The following TEK variants were observed in gnomAD, a reference collection of about 807,000 sequenced individuals.
The protein encoded by TEK is TEK receptor tyrosine kinase, also known as angiopoietin-1 receptor.
Under a neutral mutation model 131.8 loss-of-function variants are expected in TEK, and 43 were observed. That is an observed-to-expected ratio of 0.33 (90% CI 0.26 to 0.42). The LOEUF (loss-of-function observed/expected upper bound fraction) is 0.42, where lower values mean the gene tolerates loss of function less well. TEK is among the 10% of genes least tolerant of loss of function. The probability of loss-of-function intolerance (pLI) is 1.00; values close to 1 mark genes in which losing one functional copy is unlikely to be tolerated. For missense variants in TEK, 1,162 were observed against 1,384.4 expected (o/e 0.84, Z 2.55); for synonymous variants, 580 against 491.6 (o/e 1.18, Z -2.38).
In TEK at chr9:27,172,853, CT is replaced by C. The variant is rs1325052186; in HGVS notation, c.760+107del. On this transcript the variant is annotated intron_variant, in intron 5 of 22. Coordinates refer to ENST00000380036, the MANE Select transcript of TEK (RefSeq NM_000459.5). Reference sequence around the variant, plus strand: ...GATGGGAATGGACGCTAAATGGCCTCTGTTAGGTCAGATGGTACCTGTGTGT... The same window carrying C: ...GATGGGAATGGACGCTAAATGGCCTCGTTAGGTCAGATGGTACCTGTGTGT... 1.9e-5 allele frequency: 28 copies of C among 1,470,616 alleles called. 1 individual carries two copies. In the Admixed American group the frequency reaches 5.3e-4, roughly 28 times the overall value. 91.1% of individuals were successfully genotyped at this position (1,470,616 alleles called of 1,614,324 possible).
At chr9:27,136,088 T>TA (rs1564050950) in intron 1 of TEK, among the ~76,000 whole-genome samples, 10 of 145,974 alleles carry the variant, frequency 6.9e-5, no homozygotes, top group African/African-American at 2.4e-4. Flanking sequence ...GGCAGTTATT[T>TA]TTTTTTTTTT....
intron 1 of TEK, among the ~76,000 whole-genome samples, chr9:27,140,396 G>GAA (rs59569720): frequency 8.8e-6 from 1 of 113,406 alleles, no homozygotes; most frequent in East Asian, 3.5e-4. Flanking sequence ...TAGCAAAAAA[G>GAA]AAAAAAAAAA....
chr9:27,229,522 G>A lies in TEK; in HGVS notation c.*290G>A, dbSNP rs976863571. ...AAATGTGGACTTCATAGGAAGGCGT[G>A]AGTACAATTAGTATAATGCATAACT... On this transcript the variant is annotated 3_prime_UTR_variant, in exon 23 of 23. Coordinates refer to ENST00000380036, the MANE Select transcript of TEK (RefSeq NM_000459.5). 3 of 443,872 alleles carry A rather than the reference G, an allele frequency of 6.8e-6. No individual in the cohort carries two copies. Among genetic ancestry groups the A allele is most frequent in the East Asian group, 4.4e-5 (1 of 22,980 alleles). 27.5% of individuals were successfully genotyped at this position (443,872 alleles called of 1,614,324 possible).
At chr9:27,115,373 C>T (rs1274293431) in intron 1 of TEK, among the ~76,000 whole-genome samples, 2 of 152,024 alleles carry the variant, frequency 1.3e-5, no homozygotes, top group African/African-American at 4.8e-5. Flanking sequence ...GTGGCACGTG[C>T]ATGTAGTCCC....
At chr9:27,137,747 C>G (rs1284307365) in intron 1 of TEK, among the ~76,000 whole-genome samples, 1 of 152,180 alleles carries the variant, frequency 6.6e-6, no homozygotes, top group Non-Finnish European at 1.5e-5. Flanking sequence ...ATTGTGAATT[C>G]TACCCACACC....
chr9:27,172,570 A>G lies in TEK; in HGVS notation c.629-46A>G, dbSNP rs1823997322. On this transcript the variant is annotated intron_variant, in intron 4 of 22. Transcript: ENST00000380036. ...GTAGGTGCTCAATAAAGATGTGTTGAGCGAATGCGCTCTACTCACCACAGC... is the reference window on the plus strand; with the variant it reads ...GTAGGTGCTCAATAAAGATGTGTTGGGCGAATGCGCTCTACTCACCACAGC... 5 of 1,610,424 alleles carry G rather than the reference A, an allele frequency of 3.1e-6. No homozygotes were observed. The African/African-American group carries it at 4.0e-5, about 13-fold the overall frequency.
At chr9:27,167,354 A>G (rs1203032934) in intron 2 of TEK, among the ~76,000 whole-genome samples, 1 of 151,928 alleles carries the variant, frequency 6.6e-6, no homozygotes, top group Non-Finnish European at 1.5e-5. Context: ...CAGCCTCCCG[A>G]GTAGCTGGAA....
chr9:27,221,956 A>T (rs889621839), intron 21 of TEK, among the ~76,000 whole-genome samples: 1 of 152,242 alleles, frequency 6.6e-6, no homozygotes, highest in African/African-American at 2.4e-5. Flanking sequence ...CTAAACGAGC[A>T]TGTTCTAACC....
chr9:27,212,039 A>G (rs1825653915), intron 16 of TEK, among the ~76,000 whole-genome samples: 1 of 151,994 alleles, frequency 6.6e-6, no homozygotes, highest in South Asian at 2.1e-4. Flanking sequence ...AAAAAGTGAC[A>G]ATGAACCATA....
rs370492416 is a variant in TEK at position 27,205,005 on chromosome 9, C to G, written c.2304C>G (p.Ile768Met). ...TCLTVLLAFL[I>M]ILQLKRANVQ... ...TGACTGTGCTGTTGGCCTTTCTGATCATATTGCAATTGAAGAGGGCAAATG... is the reference window on the plus strand; with the variant it reads ...TGACTGTGCTGTTGGCCTTTCTGATGATATTGCAATTGAAGAGGGCAAATG... The change falls in exon 14 of 23, where the codon ATC becomes ATG. Residue 768 changes from isoleucine to methionine, a missense_variant. This residue lies in a region of TEK where 477 missense variants were observed against 471.0 expected (regional missense o/e 1.01). Transcript: ENST00000380036. 8.7e-6 allele frequency: 14 copies of G among 1,614,054 alleles called. No individual in the cohort carries two copies. The East Asian group carries it at 2.2e-4, about 26-fold the overall frequency.
intron 7 of TEK, 68 bp downstream of exon 7, chr9:27,180,436 T>C: frequency 6.4e-7 from 1 of 1,569,208 alleles, no homozygotes; most frequent in Non-Finnish European, 8.7e-7. Flanking sequence ...GGTAGTGTAA[T>C]TCTTGTGCCG....
chr9:27,194,338 T>C (rs1824930093), intron 11 of TEK, among the ~76,000 whole-genome samples: 1 of 152,208 alleles, frequency 6.6e-6, no homozygotes, highest in Non-Finnish European at 1.5e-5. Flanking sequence ...CTAGTTTTTA[T>C]GTTACTAGCA....
chr9:27,164,724 G>A (rs377349499), intron 2 of TEK, among the ~76,000 whole-genome samples: 163 of 152,122 alleles, frequency 1.1e-3, no homozygotes, highest in African/African-American at 2.8e-3. Flanking sequence ...TGTATGGAGC[G>A]GGGGTCTCAC....
intron 1 of TEK, among the ~76,000 whole-genome samples, chr9:27,119,616 AGAGTCGGGTGGG>A (rs1554686343): frequency 2.4e-5 from 2 of 82,730 alleles, no homozygotes; most frequent in African/African-American, 9.1e-5. Context: ...AGTCGGGTGG[AGAGTCGGGTGGG>A]GAGATTCCTC....
chr9:27,124,407 C>G (rs189354190), intron 1 of TEK, among the ~76,000 whole-genome samples: 141 of 152,264 alleles, frequency 9.3e-4, no homozygotes, highest in African/African-American at 3.2e-3. Flanking sequence ...CTTGGATCAG[C>G]GGATCACTCA....
At chr9:27,228,943 A>C (rs543895968) in intron 22 of TEK, among the ~76,000 whole-genome samples, 1 of 152,212 alleles carries the variant, frequency 6.6e-6, no homozygotes, top group Non-Finnish European at 1.5e-5. Context: ...GAAACTGAGG[A>C]TACAGTATGA....
At chr9:27,215,295 G>A (rs1765206747) in intron 18 of TEK, among the ~76,000 whole-genome samples, 1 of 148,338 alleles carries the variant, frequency 6.7e-6, no homozygotes, top group Non-Finnish European at 1.5e-5. Context: ...GCACCTTGGG[G>A]CTGGGGAGGA....
At chr9:27,155,321 C>G (rs1823291959) in intron 1 of TEK, among the ~76,000 whole-genome samples, 1 of 152,128 alleles carries the variant, frequency 6.6e-6, no homozygotes, top group Non-Finnish European at 1.5e-5. Flanking sequence ...ATTCTCTGTC[C>G]TGAGATCTTA....
At chr9:27,133,049 A>G (rs1224565390) in intron 1 of TEK, among the ~76,000 whole-genome samples, 5 of 152,200 alleles carry the variant, frequency 3.3e-5, no homozygotes, top group Admixed American at 6.5e-5. Flanking sequence ...AACCAGAGAG[A>G]TCTCATGGAA....
Sources: gnomAD v4.1 joint callset for allele counts (sites outside exome capture counted in the v4.1 genomes callset) on GRCh38, gnomAD v4.1.1 for gene constraint, gnomAD v4.1.1 regional missense constraint, MANE v1.5 for transcripts, NCBI Gene and HGNC (gene_info 2026-07-23, HGNC 2026-07-21) for gene names.